Variants in PSEN2 observed in about 807,000 individuals in gnomAD.
PSEN2 encodes the protein presenilin-2.
Under a neutral mutation model 49.1 loss-of-function variants are expected in PSEN2, and 32 were observed. The observed-to-expected ratio is 0.65, with a 90% confidence interval of 0.49 to 0.88. PSEN2 has a LOEUF of 0.88. Ranked by LOEUF, PSEN2 falls within the 40% of genes least tolerant of loss-of-function variation. The pLI is 0.00. For synonymous variants in PSEN2, 255 were observed against 244.0 expected, an observed-to-expected ratio of 1.05 and a Z score of -0.42; for missense variants, 522 against 586.9, an observed-to-expected ratio of 0.89 and a Z score of 1.14.
downstream of PSEN2, among the ~76,000 whole-genome samples, chr1:226,899,940 C>T (rs1015034130): frequency 3.9e-5 from 6 of 152,188 alleles, no homozygotes; most frequent in Non-Finnish European, 7.3e-5. Context: ...ATTAGTCCCA[C>T]GGCCATACCT....
chr1:226,881,984 C>T lies in PSEN2; in HGVS notation c.77C>T (p.Pro26Leu), dbSNP rs781116134. The part of the protein sequence containing the change: ...ERTSLMSAES[P>L]TPRSCQEGRQ... ...ACGTCCCTAATGTCGGCTGAGAGCC[C>T]CACGCCGCGCTCCTGCCAGGAGGGC... Residue 26 changes from proline to leucine, a missense_variant, in exon 4 of 13, where the codon CCC (proline) becomes CTC (leucine). By Grantham distance (98) the Pro-to-Leu change is moderately conservative. Transcript: ENST00000366783. 7 of 1,613,944 alleles carry T rather than the reference C, an allele frequency of 4.3e-6. No individual in the cohort carries two copies. The African/African-American group carries it at 5.3e-5, about 12-fold the overall frequency.
chr1:226,885,261 T>G (rs1571954247), intron 5 of PSEN2, among the ~76,000 whole-genome samples: 2 of 149,566 alleles, frequency 1.3e-5, no homozygotes, highest in African/African-American at 2.5e-5. Context: ...CCTGTGGGGG[T>G]GGGGAAAGCA....
At chr1:226,873,888 C>G (rs7522645) in intron 2 of PSEN2, among the ~76,000 whole-genome samples, 11,721 of 152,158 alleles carry the variant, frequency 0.077, 1,196 homozygotes, top group African/African-American at 0.24. Flanking sequence ...GATTTGATGG[C>G]TGTGTAGAGC....
chr1:226,874,921 G>T (rs1322037017), intron 2 of PSEN2, among the ~76,000 whole-genome samples: 2 of 152,108 alleles, frequency 1.3e-5, no homozygotes, highest in African/African-American at 4.8e-5. Flanking sequence ...AAATAAATGT[G>T]TTTCTGGAGC....
Position 226,890,040 on chromosome 1 carries a change from G to C in PSEN2, c.793G>C (p.Val265Leu). Reference sequence around the variant, plus strand: ...GGATGTCTCTGTCTTCCTAGATCTCGTGGCTGTGCTGTGTCCCAAAGGGCC... The same window carrying C: ...GGATGTCTCTGTCTTCCTAGATCTCCTGGCTGTGCTGTGTCCCAAAGGGCC... The part of the protein sequence containing the change: ...ILGAISVYDL[V>L]AVLCPKGPLR... Residue 265 changes from valine to leucine, a missense_variant, in exon 9 of 13, where the codon GTG (valine) becomes CTG (leucine). Val to Leu is a conservative substitution (Grantham distance 32). Coordinates refer to ENST00000366783, the MANE Select transcript of PSEN2 (RefSeq NM_000447.3). 2.5e-6 allele frequency: 4 copies of C among 1,613,120 alleles called. No individual in the cohort carries two copies. The highest frequency in any genetic ancestry group is 3.4e-6 in the Non-Finnish European group (4 of 1,179,036).
At chr1:226,885,474 C>T (rs983182249) in intron 5 of PSEN2, 64 bp from the exon 6 acceptor site, 39 of 1,586,114 alleles carry the variant, frequency 2.5e-5, no homozygotes, top group Middle Eastern at 1.7e-4. Context: ...CAGAATCACT[C>T]AAGGTGGGGA....
Position 226,882,446 on chromosome 1 carries a change from G to C in PSEN2, c.141+398G>C, listed in dbSNP as rs146666649. Among the ~76,000 whole-genome samples the C allele has an allele frequency of 1.6e-3, 239 of 152,336 alleles. 1 individual carries two copies. Among genetic ancestry groups the C allele is most frequent in the African/African-American group, 5.3e-3 (222 of 41,580 alleles). On this transcript the variant is annotated intron_variant, in intron 4 of 12. Transcript: ENST00000366783. ...GCCAGACATGGTAAGTGTGAGAGGA[G>C]TCTGCCTGATACACGATTGACTTTT...
rs979496823 is a variant in PSEN2, at chr1:226,883,831, A to G, written c.268A>G (p.Met90Val). The change falls in exon 5 of 13, where the codon ATG (methionine) becomes GTG (valine). Residue 90 changes from methionine to valine, a missense_variant. Transcript: ENST00000366783. ...CAAATACGGAGCGAAGCACGTGATC[A>G]TGCTGTTTGTGCCTGTCACTCTGTG... ...TLKYGAKHVI[M>V]LFVPVTLCMI... 1 of 1,613,344 alleles carries G rather than the reference A, an allele frequency of 6.2e-7. No homozygotes were observed. Among genetic ancestry groups the G allele is most frequent in the Non-Finnish European group, 8.5e-7 (1 of 1,179,688 alleles).
intron 8 of PSEN2, 107 bp downstream of exon 8, chr1:226,889,156 C>T: frequency 9.8e-7 from 1 of 1,017,086 alleles, no homozygotes. Context: ...GCATCCCTTT[C>T]TGCAGAGGCC....
chr1:226,888,258 G>A, intron 7 of PSEN2, 100 bp downstream of exon 7: 2 of 1,131,816 alleles, frequency 1.8e-6, no homozygotes, highest in Non-Finnish European at 2.6e-6. Flanking sequence ...TGACCATCGA[G>A]CTCCAGTCTT....
intron 11 of PSEN2, 24 bp downstream of exon 11, chr1:226,891,868 C>T: frequency 6.3e-7 from 1 of 1,597,670 alleles, no homozygotes. Context: ...GTTCACACGG[C>T]CTGCTTCAGC....
At chr1:226,889,685 A>G (rs967990543) in intron 8 of PSEN2, among the ~76,000 whole-genome samples, 14 of 152,250 alleles carry the variant, frequency 9.2e-5, no homozygotes, top group Admixed American at 9.2e-4. Flanking sequence ...ATGCATATAC[A>G]TAACCCCAAA....
downstream of PSEN2, chr1:226,899,312 C>T (rs1662240597): frequency 6.6e-6 from 1 of 151,866 alleles, no homozygotes; most frequent in Non-Finnish European, 1.5e-5. Context: ...TCTTTGTAAC[C>T]AGGTGTCCCA....
At chr1:226,898,267 C>T (rs1662216509), downstream of PSEN2, 1 of 152,140 alleles carries the variant, frequency 6.6e-6, no homozygotes, top group African/African-American at 2.4e-5. Flanking sequence ...GTTATTTTAA[C>T]TATTGTATAG....
At chr1:226,881,174 C>T (rs967868855) in intron 3 of PSEN2, among the ~76,000 whole-genome samples, 2 of 152,214 alleles carry the variant, frequency 1.3e-5, no homozygotes, top group African/African-American at 4.8e-5. Context: ...GGGTCACTTT[C>T]CCTCTCTGGT....
rs1272015481 is a variant in PSEN2 at position 226,885,585 on chromosome 1, T to G, written c.404T>G (p.Leu135Arg). The change falls in exon 6 of 13, where the codon CTC (leucine) becomes CGC (arginine). Residue 135 changes from leucine to arginine, a missense_variant. Transcript: ENST00000366783. ...GACACACCCTCGGTGGGCCAGCGCC[T>G]CCTCAACTCCGTGCTGAACACCCTC... ...TEDTPSVGQR[L>R]LNSVLNTLIM... 53 of 1,613,548 alleles carry G rather than the reference T, an allele frequency of 3.3e-5. No individual in the cohort carries two copies. Among genetic ancestry groups the G allele is most frequent in the Non-Finnish European group, 4.2e-5 (50 of 1,179,966 alleles).
intron 3 of PSEN2, chr1:226,880,359 C>A: frequency 2.0e-6 from 1 of 503,700 alleles, no homozygotes; most frequent in Non-Finnish European, 3.2e-6. Context: ...CGTAAGTGAC[C>A]AGTGAGACCC....
chr1:226,887,761 G>A (rs1274446801), intron 6 of PSEN2, among the ~76,000 whole-genome samples: 1 of 152,144 alleles, frequency 6.6e-6, no homozygotes, highest in Non-Finnish European at 1.5e-5. Flanking sequence ...TGCTAGCCTT[G>A]GTTCCAGAGC....
At chr1:226,891,699 C>G (rs375609936) in intron 10 of PSEN2, 44 bp from the exon 11 acceptor site, 21 of 1,501,702 alleles carry the variant, frequency 1.4e-5, no homozygotes, top group Middle Eastern at 3.4e-4. Flanking sequence ...TTGTTGTCCC[C>G]TCCTCACGGT....
Sources: gnomAD v4.1 joint callset for allele counts (sites outside exome capture counted in the v4.1 genomes callset) on GRCh38, gnomAD v4.1.1 for gene constraint, MANE v1.5 for transcripts, NCBI Gene and HGNC (gene_info 2026-07-23, HGNC 2026-07-21) for gene names.